Variants in AOX1 observed in about 807,000 individuals in gnomAD.
AOX1 encodes the protein aldehyde oxidase 1, also known as aldehyde oxidase.
A neutral mutation model predicts 169.5 loss-of-function variants in AOX1; 153 were observed. The ratio of observed to expected loss-of-function variants is 0.90; its 90% CI spans 0.79 to 1.03. The LOEUF (loss-of-function observed/expected upper bound fraction) is 1.03, where lower values mean the gene tolerates loss of function less well. Among genes scored for constraint, AOX1 ranks in the 50% least tolerant of loss-of-function variants. AOX1 has a pLI of 0.00. For missense variants in AOX1, 1,656 were observed against 1,663.9 expected (o/e 1.00, Z 0.08); for synonymous variants, 562 against 581.9 (o/e 0.97, Z 0.49).
intron 3 of AOX1, 42 bp from the exon 4 acceptor site, chr2:200,597,355 C>G (rs376190651): frequency 4.1e-6 from 6 of 1,457,908 alleles, no homozygotes; most frequent in Admixed American, 1.8e-5. Context: ...CCACTGTATG[C>G]GACATAATTT....
chr2:200,648,945 C>A (rs112343928), intron 25 of AOX1, among the ~76,000 whole-genome samples: 1 of 152,076 alleles, frequency 6.6e-6, no homozygotes, highest in Non-Finnish European at 1.5e-5. Context: ...TGTGTACCCC[C>A]CAACAGCCCT....
At chr2:200,596,632 G>C (rs1217021483) in intron 3 of AOX1, among the ~76,000 whole-genome samples, 1 of 152,154 alleles carries the variant, frequency 6.6e-6, no homozygotes, top group Non-Finnish European at 1.5e-5. Context: ...AGTTGGTCTG[G>C]TTTCTCCTTA....
intron 10 of AOX1, among the ~76,000 whole-genome samples, chr2:200,607,727 T>G (rs2034544841): frequency 6.6e-6 from 1 of 152,036 alleles, no homozygotes; most frequent in Non-Finnish European, 1.5e-5. Flanking sequence ...CAAATGCACA[T>G]CAATGATAGA....
At chr2:200,597,245 C>T (rs2034301045) in intron 3 of AOX1, 152 bp from the exon 4 acceptor site, 1 of 483,456 alleles carries the variant, frequency 2.1e-6, no homozygotes. Context: ...CTAAAATGGG[C>T]CTGTGCCTGA....
chr2:200,625,645 T>C lies in AOX1; in HGVS notation c.2124+1662T>C, dbSNP rs186396496. On this transcript the variant is annotated intron_variant, in intron 19 of 34. Transcript: ENST00000374700. Reference sequence around the variant, plus strand: ...CTCCCTATACATTACAGTTCTTTTATCACTTTCCTGACTAAGAAAAATTCA... The same window carrying C: ...CTCCCTATACATTACAGTTCTTTTACCACTTTCCTGACTAAGAAAAATTCA... 7.6e-4 allele frequency among the ~76,000 whole-genome samples: 116 copies of C among 152,354 alleles called. 1 individual carries two copies. In the South Asian group the frequency reaches 0.014, roughly 19 times the overall value.
chr2:200,586,025 C>G lies in AOX1; in HGVS notation c.-84C>G. 2 of 1,485,168 alleles carry G rather than the reference C, an allele frequency of 1.3e-6. No individual in the cohort carries two copies. The highest frequency in any genetic ancestry group is 1.8e-6 in the Non-Finnish European group (2 of 1,095,274). 92.0% of individuals were successfully genotyped at this position (1,485,168 alleles called of 1,614,324 possible). ...GCAAGCCCCGCCCCACTCGGCGGGT[C>G]GGTGCCGCCGGGTCCCAGGTGCCCG... On this transcript the variant is annotated 5_prime_UTR_variant, in exon 1 of 35. Coordinates refer to ENST00000374700, the MANE Select transcript of AOX1 (RefSeq NM_001159.4).
At chr2:200,680,976 GCTCT>G (rs1297249579), downstream of AOX1, among the ~76,000 whole-genome samples, 2 of 152,192 alleles carry the variant, frequency 1.3e-5, no homozygotes, top group Admixed American at 1.3e-4. Flanking sequence ...AAAAGCTGGA[GCTCT>G]CTTTGTGGAG....
rs1189984663 is a variant in AOX1, at chr2:200,666,689, C to T, written c.3546C>T (p.Asn1182=). ...TTTTAACTTTTTTTTAATACTAGAA[C>T]ATCAGAACAGACATTGTCATGGATG... ...EIDCLTGDHK[N]IRTDIVMDVG... is the part of the protein sequence containing the mutation. The change falls in exon 32 of 35, where the codon AAC becomes AAT. Residue 1182 remains asparagine (N), a splice_region_variant and synonymous_variant. Transcript: ENST00000374700. The T allele has an allele frequency of 1.2e-6, 2 of 1,602,304 alleles. No homozygotes were observed. The highest frequency in any genetic ancestry group is 2.7e-5 in the African/African-American group (2 of 74,508).
intron 3 of AOX1, 147 bp from the exon 4 acceptor site, chr2:200,597,250 G>A: frequency 2.0e-6 from 1 of 501,064 alleles, no homozygotes; most frequent in Non-Finnish European, 3.5e-6. Flanking sequence ...ATGGGCCTGT[G>A]CCTGAGCTAA....
chr2:200,623,976 CA>C lies in AOX1; in HGVS notation c.2119del (p.Ile707LeufsTer83). 2.5e-6 allele frequency: 4 copies of C among 1,614,064 alleles called. No individual in the cohort carries two copies. The highest frequency in any genetic ancestry group is 3.4e-6 in the Non-Finnish European group (4 of 1,179,942). ...CAAGACTTGGAGCCGCTGATACTAACAATTGAGGTAATGAGTTCTGTGGAAT... is the reference window on the plus strand; with the variant it reads ...CAAGACTTGGAGCCGCTGATACTAACATTGAGGTAATGAGTTCTGTGGAAT... ...VYQDLEPLILTIEESIQHNSS... is the reference protein window; with the variant it reads ...VYQDLEPLILXIEESIQHNSS... On this transcript the variant is annotated frameshift_variant, in exon 19 of 35. Transcript: ENST00000374700. LOFTEE classifies it high-confidence loss of function.
downstream of AOX1, among the ~76,000 whole-genome samples, chr2:200,672,073 C>T (rs1454669063): frequency 6.6e-6 from 1 of 152,168 alleles, no homozygotes; most frequent in African/African-American, 2.4e-5. Flanking sequence ...ATGATTCCAT[C>T]TATACAAAAT....
At chr2:200,634,659 T>G in intron 20 of AOX1, 132 bp from the exon 21 acceptor site, 2 of 1,101,642 alleles carry the variant, frequency 1.8e-6, no homozygotes, top group Non-Finnish European at 2.6e-6. Flanking sequence ...CTAAACATTG[T>G]TGTTTGTTAT....
rs753979158 is a variant in AOX1, at chr2:200,651,117, T to C, written c.2991T>C (p.Asn997=). The C allele has an allele frequency of 6.2e-7, 1 of 1,614,196 alleles. No homozygotes were observed. Among genetic ancestry groups the C allele is most frequent in the Non-Finnish European group, 8.5e-7 (1 of 1,180,036 alleles). Reference sequence around the variant, plus strand: ...GGAAAGTTGCTGTGGAAAAGTTCAATGCAGAGAATTATTGGAAGAAGAAAG... The same window carrying C: ...GGAAAGTTGCTGTGGAAAAGTTCAACGCAGAGAATTATTGGAAGAAGAAAG... ...SLRKVAVEKF[N]AENYWKKKGL... Residue 997 remains asparagine, a synonymous_variant, in exon 26 of 35, where the codon AAT becomes AAC. Coordinates refer to ENST00000374700, the MANE Select transcript of AOX1 (RefSeq NM_001159.4).
intron 19 of AOX1, among the ~76,000 whole-genome samples, chr2:200,626,031 A>C (rs759583362): frequency 6.6e-6 from 1 of 152,198 alleles, no homozygotes; most frequent in Non-Finnish European, 1.5e-5. Context: ...ATAATCATCA[A>C]CAACAACATG....
chr2:200,662,794 A>C, intron 30 of AOX1, 61 bp from the exon 31 acceptor site: 11 of 1,315,592 alleles, frequency 8.4e-6, no homozygotes, highest in Non-Finnish European at 1.1e-5. Flanking sequence ...GGGTCTGTTT[A>C]GTCATCATGG....
chr2:200,680,823 G>T (rs1018756264), downstream of AOX1, among the ~76,000 whole-genome samples: 2 of 152,136 alleles, frequency 1.3e-5, no homozygotes, highest in African/African-American at 4.8e-5. Context: ...TGGGATTAGA[G>T]GTGTGAGCCA....
chr2:200,642,731 C>T lies in AOX1; in HGVS notation c.2777C>T (p.Pro926Leu), dbSNP rs1222570956. Residue 926 changes from proline (P) to leucine (L), a missense_variant, in exon 25 of 35, where the codon CCT becomes CTT. Transcript: ENST00000374700. Reference protein sequence around the residue: ...SNTAFRGFGFPQAALITESCI... With the variant: ...SNTAFRGFGFLQAALITESCI... ...ACAGCTTTTCGTGGGTTTGGCTTTC[C>T]TCAGGCAGCGCTGATCACCGAATCT... The T allele has an allele frequency of 1.2e-6, 2 of 1,614,144 alleles. No individual in the cohort carries two copies. The highest frequency in any genetic ancestry group is 1.7e-6 in the Non-Finnish European group (2 of 1,179,992).
intron 32 of AOX1, among the ~76,000 whole-genome samples, chr2:200,667,037 C>T (rs1216213901): frequency 6.6e-6 from 1 of 152,118 alleles, no homozygotes; most frequent in Non-Finnish European, 1.5e-5. Context: ...ACTTCTGGGA[C>T]ATAAATAGAG....
chr2:200,624,857 C>G (rs1043124667), intron 19 of AOX1, among the ~76,000 whole-genome samples: 1 of 152,138 alleles, frequency 6.6e-6, no homozygotes, highest in African/African-American at 2.4e-5. Context: ...AGATGAGACT[C>G]AGTCCATACA....
Sources: gnomAD v4.1 joint callset for allele counts (sites outside exome capture counted in the v4.1 genomes callset) on GRCh38, gnomAD v4.1.1 for gene constraint, MANE v1.5 for transcripts, NCBI Gene and HGNC (gene_info 2026-07-23, HGNC 2026-07-21) for gene names.